The following FAM135B variants were observed in gnomAD, a reference collection of about 807,000 sequenced individuals.
FAM135B encodes the protein protein FAM135B.
Under a neutral mutation model 127.7 loss-of-function variants are expected in FAM135B, and 43 were observed. That is an observed-to-expected ratio of 0.34 (90% CI 0.26 to 0.43). The LOEUF (loss-of-function observed/expected upper bound fraction) is 0.43. Ranked by LOEUF, FAM135B falls within the 20% of genes least tolerant of loss-of-function variation. The pLI, the probability that FAM135B is intolerant of heterozygous loss-of-function variation, is 1.00. For synonymous variants in FAM135B, 670 were observed against 665.1 expected (o/e 1.01, Z -0.11); for missense variants, 1,558 against 1,725.6 (o/e 0.90, Z 1.72).
intron 1 of FAM135B, among the ~76,000 whole-genome samples, chr8:138,378,797 G>A (rs1396769489): frequency 6.6e-6 from 1 of 151,618 alleles, no homozygotes; most frequent in Non-Finnish European, 1.5e-5. Flanking sequence ...CCAAGTTCCT[G>A]TTTTCTTTGA....
chr8:138,418,954 CATA>C (rs1191613788), intron 1 of FAM135B, among the ~76,000 whole-genome samples: 15 of 148,432 alleles, frequency 1.0e-4, no homozygotes, highest in Non-Finnish European at 1.3e-4. Context: ...ATAAAGTCTA[CATA>C]ATAACTAGCT....
chr8:138,396,079 A>G (rs1373298336), intron 1 of FAM135B, among the ~76,000 whole-genome samples: 2 of 152,206 alleles, frequency 1.3e-5, no homozygotes, highest in East Asian at 3.9e-4. Flanking sequence ...CATCTGTGTA[A>G]CGAAAGCACA....
At chr8:138,177,286 T>G (rs1263178662) in intron 11 of FAM135B, 61 bp downstream of exon 11, 3 of 1,499,538 alleles carry the variant, frequency 2.0e-6, no homozygotes, top group Admixed American at 1.7e-5. Context: ...AGAGTAACTT[T>G]GAACAGCATG....
chr8:138,426,385 T>C (rs1430160443), intron 1 of FAM135B, among the ~76,000 whole-genome samples: 1 of 151,638 alleles, frequency 6.6e-6, no homozygotes, highest in Non-Finnish European at 1.5e-5. Flanking sequence ...GAAGTGTAAA[T>C]TGGTATGGCT....
chr8:138,237,719 C>T (rs2130302945), intron 7 of FAM135B, among the ~76,000 whole-genome samples: 1 of 152,246 alleles, frequency 6.6e-6, no homozygotes, highest in Middle Eastern at 3.4e-3. Context: ...TGACTTTCCC[C>T]AAAGAAAAAG....
chr8:138,149,363 T>C (rs1817934082), intron 13 of FAM135B, among the ~76,000 whole-genome samples: 2 of 152,086 alleles, frequency 1.3e-5, no homozygotes, highest in African/African-American at 4.8e-5. Context: ...CCTCCATGGC[T>C]TGGCCTTCCC....
chr8:138,254,639 T>TG (rs986479296), intron 5 of FAM135B, among the ~76,000 whole-genome samples: 4 of 152,212 alleles, frequency 2.6e-5, no homozygotes, highest in African/African-American at 9.7e-5. Flanking sequence ...GAACAAGTCC[T>TG]GGCAATGGGA....
chr8:138,298,545 A>T (rs1825637714), intron 3 of FAM135B, among the ~76,000 whole-genome samples: 1 of 152,214 alleles, frequency 6.6e-6, no homozygotes, highest in African/African-American at 2.4e-5. Context: ...TAAGAGTGAC[A>T]GGGAAGAGGG....
intron 2 of FAM135B, among the ~76,000 whole-genome samples, chr8:138,340,983 TCTCA>T (rs1306930872): frequency 6.6e-6 from 1 of 152,196 alleles, no homozygotes. Flanking sequence ...AGGAACACTG[TCTCA>T]CTGTCTAGTA....
rs996150929 is a variant in FAM135B, at chr8:138,477,394, C to A, written c.-20+19277G>T. ...CCTTCTCTAGGGATACCTTCACAAA[C>A]CATACCCTACACTGGGTGAAGAGCT... On this transcript the variant is annotated intron_variant, in intron 1 of 19. Transcript: ENST00000395297. The A allele has an allele frequency of 2.0e-5, 3 of 152,218 alleles. No individual in the cohort carries two copies. The East Asian group carries it at 5.8e-4, about 29-fold the overall frequency. 9.4% of individuals were successfully genotyped at this position (152,218 alleles called of 1,614,324 possible). A position where few individuals can be genotyped will look rare whatever the true frequency, so the allele number is the denominator to read the frequency against.
intron 2 of FAM135B, among the ~76,000 whole-genome samples, chr8:138,365,004 T>TC (rs1374086156): frequency 6.6e-6 from 1 of 152,024 alleles, no homozygotes; most frequent in African/African-American, 2.4e-5. Flanking sequence ...CCGCCACCAC[T>TC]CTCAGGTGAT....
chr8:138,351,247 AG>A (rs1334270836), intron 2 of FAM135B, among the ~76,000 whole-genome samples: 7 of 152,196 alleles, frequency 4.6e-5, no homozygotes, highest in African/African-American at 1.7e-4. Flanking sequence ...ATTTGGAAAC[AG>A]GGTCTTTATA....
intron 1 of FAM135B, chr8:138,438,300 T>C (rs1176345536): frequency 6.6e-6 from 1 of 152,160 alleles, no homozygotes; most frequent in Non-Finnish European, 1.5e-5. Flanking sequence ...TGAAGAGCCA[T>C]GTCTCAAGTA....
rs373317892 is a variant in FAM135B, at chr8:138,388,610, A to G, written c.-19-20608T>C. Among the ~76,000 whole-genome samples the G allele has an allele frequency of 3.9e-5, 6 of 152,360 alleles. No homozygotes were observed. The East Asian group carries it at 1.2e-3, about 29-fold the overall frequency. ...ATGTCGAGGCATGGAGGCACCTTAC[A>G]TGCATATTAGTAAAGTGAAAAAATG... On this transcript the variant is annotated intron_variant, in intron 1 of 19. Coordinates refer to ENST00000395297, the MANE Select transcript of FAM135B (RefSeq NM_015912.4).
chr8:138,337,105 T>A lies in FAM135B; in HGVS notation c.78-26185A>T, dbSNP rs892719076. Among the ~76,000 whole-genome samples, 6 of 152,108 alleles carry A rather than the reference T, an allele frequency of 3.9e-5. No homozygotes were observed. In the East Asian group the frequency reaches 7.7e-4, roughly 20 times the overall value. Reference sequence around the variant, plus strand: ...ATAAATTAGGTATTGATGGGACGTATCTCAAAATAATAAGAGCTATCTATG... The same window carrying A: ...ATAAATTAGGTATTGATGGGACGTAACTCAAAATAATAAGAGCTATCTATG... On this transcript the variant is annotated intron_variant, in intron 2 of 19. Coordinates refer to ENST00000395297, the MANE Select transcript of FAM135B (RefSeq NM_015912.4).
chr8:138,425,789 GA>G (rs1271446894), intron 1 of FAM135B, among the ~76,000 whole-genome samples: 1 of 151,614 alleles, frequency 6.6e-6, no homozygotes, highest in Admixed American at 6.6e-5. Flanking sequence ...CCTAGGTGCT[GA>G]AGTCACATAA....
At chr8:138,308,621 A>T (rs1489889605) in intron 3 of FAM135B, among the ~76,000 whole-genome samples, 1 of 101,542 alleles carries the variant, frequency 9.8e-6, no homozygotes, top group Non-Finnish European at 2.0e-5. Flanking sequence ...TATACTAGAA[A>T]AGAAAATAGT....
At chr8:138,464,750 C>G (rs779067799) in intron 1 of FAM135B, among the ~76,000 whole-genome samples, 1 of 152,136 alleles carries the variant, frequency 6.6e-6, no homozygotes, top group Admixed American at 6.5e-5. Flanking sequence ...AAAAACAAGT[C>G]AGCACATATC....
chr8:138,322,544 A>C (rs1563897220), intron 2 of FAM135B, among the ~76,000 whole-genome samples: 1 of 152,234 alleles, frequency 6.6e-6, no homozygotes, highest in Non-Finnish European at 1.5e-5. Context: ...AGAATCAGCA[A>C]TAATGCAATC....
Sources: gnomAD v4.1 joint callset for allele counts (sites outside exome capture counted in the v4.1 genomes callset) on GRCh38, gnomAD v4.1.1 for gene constraint, MANE v1.5 for transcripts, NCBI Gene and HGNC (gene_info 2026-07-23, HGNC 2026-07-21) for gene names.